NRG1: variants seen among roughly 807,000 people sequenced by gnomAD.
NRG1 encodes pro-neuregulin-1, membrane-bound isoform.
A neutral mutation model predicts 63.8 loss-of-function variants in NRG1; 18 were observed. That is an observed-to-expected ratio of 0.28 (90% CI 0.19 to 0.42). The LOEUF is 0.42. Among genes scored for constraint, NRG1 ranks in the 10% least tolerant of loss-of-function variants. The pLI is 1.00. For missense variants in NRG1, 762 were observed against 814.7 expected (o/e 0.94, Z 0.79); for synonymous variants, 302 against 301.3 (o/e 1.00, Z -0.02).
At chr8:32,614,386 G>A in intron 3 of NRG1, 128 bp from the exon 4 acceptor site, 1 of 789,998 alleles carries the variant, frequency 1.3e-6, no homozygotes, top group Non-Finnish European at 2.1e-6. Context: ...GTTAAAGCCT[G>A]GACTTTTCTC....
intron 1 of NRG1, among the ~76,000 whole-genome samples, chr8:31,901,420 A>C (rs1330091410): frequency 6.6e-6 from 1 of 152,250 alleles, no homozygotes; most frequent in Non-Finnish European, 1.5e-5. Flanking sequence ...TGAAAAAGAA[A>C]AAAGTGATGA....
chr8:31,958,389 C>A (rs1263645287), intron 1 of NRG1, among the ~76,000 whole-genome samples: 1 of 152,148 alleles, frequency 6.6e-6, no homozygotes, highest in Non-Finnish European at 1.5e-5. Flanking sequence ...AAAAAAATTA[C>A]CACCATCAGG....
At chr8:31,698,017 T>A (rs1810262118) in intron 1 of NRG1, among the ~76,000 whole-genome samples, 1 of 151,958 alleles carries the variant, frequency 6.6e-6, no homozygotes, top group Non-Finnish European at 1.5e-5. Flanking sequence ...TAATTACAGT[T>A]TTAAGTCTTT....
chr8:32,217,266 C>T (rs1845344741), intron 1 of NRG1, among the ~76,000 whole-genome samples: 1 of 150,558 alleles, frequency 6.6e-6, no homozygotes, highest in Non-Finnish European at 1.5e-5. Flanking sequence ...CTTATGAAAG[C>T]CTGCAGAGCC....
chr8:31,821,721 G>GA (rs1180322954), intron 1 of NRG1, among the ~76,000 whole-genome samples: 3 of 151,756 alleles, frequency 2.0e-5, no homozygotes, highest in African/African-American at 7.3e-5. Context: ...TGATGTACTT[G>GA]AAAAAAACAC....
At chr8:31,917,386 G>T (rs1833490940) in intron 1 of NRG1, among the ~76,000 whole-genome samples, 1 of 150,516 alleles carries the variant, frequency 6.6e-6, no homozygotes, top group African/African-American at 2.5e-5. Flanking sequence ...TTTTGTATAA[G>T]GTGTAAGGAA....
At chr8:31,699,230 A>G (rs1459731750) in intron 1 of NRG1, among the ~76,000 whole-genome samples, 1 of 152,148 alleles carries the variant, frequency 6.6e-6, no homozygotes, top group African/African-American at 2.4e-5. Flanking sequence ...TTCTCAGAAC[A>G]AGTCAAGATC....
chr8:31,738,223 C>T (rs1424258788), intron 1 of NRG1, among the ~76,000 whole-genome samples: 2 of 152,006 alleles, frequency 1.3e-5, no homozygotes, highest in Non-Finnish European at 2.9e-5. Context: ...AAACTGATCT[C>T]GTTACTGAAA....
At chr8:32,449,196 C>T (rs1022837033) in intron 1 of NRG1, among the ~76,000 whole-genome samples, 2 of 151,988 alleles carry the variant, frequency 1.3e-5, no homozygotes, top group African/African-American at 2.4e-5. Context: ...ACTCAGGAGG[C>T]TGAGATGGGA....
intron 1 of NRG1, among the ~76,000 whole-genome samples, chr8:32,130,756 G>A (rs1386344691): frequency 1.3e-5 from 2 of 151,956 alleles, no homozygotes; most frequent in Non-Finnish European, 2.9e-5. Context: ...TAGAGTTTCA[G>A]ATTCATTTAG....
intron 1 of NRG1, among the ~76,000 whole-genome samples, chr8:31,967,841 T>C (rs1806612940): frequency 6.6e-6 from 1 of 152,214 alleles, no homozygotes; most frequent in Admixed American, 6.5e-5. Context: ...TTAAAGACAA[T>C]GCCCATGGTA....
At chr8:32,344,384 C>CTT (rs1554513721) in intron 1 of NRG1, among the ~76,000 whole-genome samples, 50 of 69,436 alleles carry the variant, frequency 7.2e-4, no homozygotes, top group South Asian at 1.2e-3. Flanking sequence ...CTTTCTTTCT[C>CTT]TTTCTTTCTT....
chr8:32,302,288 C>A (rs1855660698), intron 1 of NRG1, among the ~76,000 whole-genome samples: 1 of 152,130 alleles, frequency 6.6e-6, no homozygotes, highest in African/African-American at 2.4e-5. Context: ...GGAATCCTAA[C>A]CCCTGACGAT....
chr8:32,375,267 C>T (rs144100191), intron 1 of NRG1, among the ~76,000 whole-genome samples: 6 of 152,012 alleles, frequency 3.9e-5, no homozygotes, highest in South Asian at 2.1e-4. Context: ...TGCGAGCCAC[C>T]GTGCCCAGCC....
At chr8:31,661,728 T>C (rs533852892) in intron 1 of NRG1, among the ~76,000 whole-genome samples, 16 of 152,332 alleles carry the variant, frequency 1.1e-4, no homozygotes, top group African/African-American at 3.6e-4. Flanking sequence ...CATCTGGATG[T>C]CCACAGTTTA....
At chr8:32,711,936 C>T (rs1053273933) in intron 5 of NRG1, among the ~76,000 whole-genome samples, 7 of 152,066 alleles carry the variant, frequency 4.6e-5, no homozygotes, top group African/African-American at 1.4e-4. Context: ...AATGGTAATC[C>T]CAGAATCTTA....
At position 31,734,188 on chromosome 8, in the gene NRG1, T is replaced by C. The variant is rs552440705; in HGVS notation, c.37+94757T>C. On this transcript the variant is annotated intron_variant, in intron 1 of 10. Transcript: ENST00000519301. ...CAAAAAATTAAAAAAAAGCCAGGCA[T>C]GGTGGCGCGTACCTATAGCCCTAGC... Among the ~76,000 whole-genome samples, 7 of 152,012 alleles carry C rather than the reference T, an allele frequency of 4.6e-5. No individual in the cohort carries two copies. In the South Asian group the frequency reaches 1.5e-3, roughly 32 times the overall value.
At chr8:32,771,715 A>AAAAAAAAAAATAT (rs1343943621), downstream of NRG1, among the ~76,000 whole-genome samples, 4 of 111,846 alleles carry the variant, frequency 3.6e-5, no homozygotes, top group African/African-American at 1.4e-4. Context: ...TTAAAAAAAA[A>AAAAAAAAAAATAT]ATATATATAT....
rs79372729 is a variant in NRG1, at chr8:31,762,844, T to C, written c.37+123413T>C. On this transcript the variant is annotated intron_variant, in intron 1 of 10. Coordinates refer to the NRG1 transcript ENST00000519301. ...AAAGAACACTTCCCAGCTTGTTTTA[T>C]GAGGCTAGCATTACTTGACATGAAA... 2.3e-3 allele frequency among the ~76,000 whole-genome samples: 346 copies of C among 152,332 alleles called. 1 individual carries two copies. The highest frequency in any genetic ancestry group is 8.1e-3 in the African/African-American group (337 of 41,592).
Sources: allele counts gnomAD v4.1 joint callset (sites outside exome capture counted in the v4.1 genomes callset), GRCh38; gene constraint gnomAD v4.1.1; transcripts MANE v1.5; gene names NCBI Gene and HGNC (gene_info 2026-07-23, HGNC 2026-07-21).